RSL24D1: variants seen among roughly 807,000 people sequenced by gnomAD.
RSL24D1 encodes ribosomal L24 domain containing 1, also known as probable ribosome biogenesis protein RLP24.
A neutral mutation model predicts 26.2 loss-of-function variants in RSL24D1; 6 were observed. That is an observed-to-expected ratio of 0.23 (90% CI 0.13 to 0.45). RSL24D1 has a LOEUF of 0.45. Ranked by LOEUF, RSL24D1 falls within the 20% of genes least tolerant of loss-of-function variation. The pLI is 0.99. For missense variants in RSL24D1, 176 were observed against 202.6 expected, an observed-to-expected ratio of 0.87 and a Z score of 0.80; for synonymous variants, 61 against 59.1, an observed-to-expected ratio of 1.03 and a Z score of -0.15.
intron 3 of RSL24D1, among the ~76,000 whole-genome samples, chr15:55,190,683 C>T (rs920919038): frequency 3.3e-5 from 5 of 151,936 alleles, no homozygotes; most frequent in South Asian, 2.1e-4. Flanking sequence ...CAGTATTTTC[C>T]GTCTCTATTT....
intron 2 of RSL24D1, among the ~76,000 whole-genome samples, chr15:55,191,365 T>C (rs911169446): frequency 2.6e-5 from 4 of 151,982 alleles, no homozygotes; most frequent in African/African-American, 9.7e-5. Flanking sequence ...CCAGATAAGA[T>C]TCAAAGCCAG....
chr15:55,192,654 A>G, intron 2 of RSL24D1, 66 bp downstream of exon 2: 1 of 1,104,950 alleles, frequency 9.1e-7, no homozygotes, highest in Middle Eastern at 2.0e-4. Flanking sequence ...ATTAGATGAC[A>G]TATACCCTTC....
chr15:55,189,169 G>T (rs1219517681), intron 3 of RSL24D1, among the ~76,000 whole-genome samples: 1 of 149,172 alleles, frequency 6.7e-6, no homozygotes, highest in Non-Finnish European at 1.5e-5. Flanking sequence ...CTCCAGCCCG[G>T]GTGACAGAGC....
In RSL24D1 at chr15:55,196,894, G is replaced by A. The variant is rs756661965; in HGVS notation, c.-4C>T. On this transcript the variant is annotated 5_prime_UTR_variant, in exon 1 of 6. Coordinates refer to ENST00000260443, the MANE Select transcript of RSL24D1 (RefSeq NM_016304.3). ...AATAACACTTTTCGATACGCATGTT[G>A]AACCCGCGTGTAACCCCACCAAACA... 6.2e-7 allele frequency: 1 copy of A among 1,614,072 alleles called. No individual in the cohort carries two copies.
intron 2 of RSL24D1, among the ~76,000 whole-genome samples, chr15:55,191,604 A>G (rs1472113232): frequency 6.6e-6 from 1 of 152,178 alleles, no homozygotes; most frequent in Non-Finnish European, 1.5e-5. Context: ...CAGGCCCTAC[A>G]TTTCTTCAGA....
chr15:55,184,185 T>C (rs187219944), intron 4 of RSL24D1, among the ~76,000 whole-genome samples: 8 of 152,282 alleles, frequency 5.3e-5, no homozygotes, highest in Admixed American at 1.3e-4. Flanking sequence ...GGTCCTGCTC[T>C]GAAAAAAATA....
chr15:55,192,839 A>G lies in RSL24D1; in HGVS notation c.82-6T>C. The G allele has an allele frequency of 2.5e-6, 4 of 1,587,012 alleles. No individual in the cohort carries two copies. Among genetic ancestry groups the G allele is most frequent in the African/African-American group, 1.3e-5 (1 of 74,372 alleles). On this transcript the variant is annotated splice_polypyrimidine_tract_variant and splice_region_variant and intron_variant, in intron 1 of 5. Transcript: ENST00000260443. ...GATTTGCAAAATCTGAACACCTACA[A>G]GAAAAGTTAAAATATTGAGAAGTCA...
At chr15:55,188,190 G>C (rs1595652115) in intron 3 of RSL24D1, among the ~76,000 whole-genome samples, 1 of 152,144 alleles carries the variant, frequency 6.6e-6, no homozygotes, top group Non-Finnish European at 1.5e-5. Flanking sequence ...GGGGTGTGGA[G>C]AATCAATGAA....
At chr15:55,192,460 T>C in intron 2 of RSL24D1, 1 of 322,194 alleles carries the variant, frequency 3.1e-6, no homozygotes, top group Non-Finnish European at 5.7e-6. Context: ...TCAAAATCTT[T>C]CAGTAGCAAT....
intron 1 of RSL24D1, 80 bp from the exon 2 acceptor site, chr15:55,192,913 A>C: frequency 1.2e-6 from 1 of 848,804 alleles, no homozygotes; most frequent in Non-Finnish European, 2.0e-6. Context: ...TAGACAAAAA[A>C]TACTTTCCCT....
At chr15:55,196,102 T>C (rs929660989) in intron 1 of RSL24D1, among the ~76,000 whole-genome samples, 2 of 152,198 alleles carry the variant, frequency 1.3e-5, no homozygotes, top group Non-Finnish European at 2.9e-5. Context: ...CTTTCACAAC[T>C]AGGACTCATA....
chr15:55,191,158 A>T (rs1175917692), intron 2 of RSL24D1, 111 bp from the exon 3 acceptor site: 15 of 717,820 alleles, frequency 2.1e-5, no homozygotes, highest in Non-Finnish European at 3.1e-5. Context: ...ATACACCTAG[A>T]TTCACCCCTC....
intron 1 of RSL24D1, chr15:55,194,203 A>G (rs1305540934): frequency 1.3e-5 from 2 of 152,194 alleles, no homozygotes; most frequent in African/African-American, 4.8e-5. Context: ...GAGGAGGTGC[A>G]AAGGGGATTC....
At chr15:55,188,109 A>G (rs1418626182) in intron 3 of RSL24D1, among the ~76,000 whole-genome samples, 2 of 152,224 alleles carry the variant, frequency 1.3e-5, no homozygotes, top group Admixed American at 6.5e-5. Context: ...ACACAATTTG[A>G]TAATGTAAGC....
chr15:55,196,211 G>T, intron 1 of RSL24D1: 1 of 409,762 alleles, frequency 2.4e-6, no homozygotes. Context: ...AAATGTATTT[G>T]CTCCGTTCTC....
At chr15:55,188,788 TAAGTAA>T (rs1451919661) in intron 3 of RSL24D1, among the ~76,000 whole-genome samples, 4 of 152,160 alleles carry the variant, frequency 2.6e-5, no homozygotes, top group African/African-American at 9.7e-5. Context: ...AAATACCCGC[TAAGTAA>T]AAGTAGTTAC....
At chr15:55,189,715 C>T (rs1027884168) in intron 3 of RSL24D1, among the ~76,000 whole-genome samples, 2 of 152,092 alleles carry the variant, frequency 1.3e-5, no homozygotes, top group Non-Finnish European at 2.9e-5. Flanking sequence ...AGATTGGATG[C>T]CCCTGGTTCA....
At chr15:55,192,451 C>T in intron 2 of RSL24D1, 2 of 306,016 alleles carry the variant, frequency 6.5e-6, no homozygotes, top group Non-Finnish European at 1.2e-5. Flanking sequence ...AACTTCATCT[C>T]AAAATCTTTC....
At chr15:55,191,189 G>C in intron 2 of RSL24D1, 142 bp from the exon 3 acceptor site, 3 of 598,342 alleles carry the variant, frequency 5.0e-6, no homozygotes, top group Non-Finnish European at 8.4e-6. Context: ...AGAGAATATA[G>C]GTTTTCAAAT....
Sources: allele counts gnomAD v4.1 joint callset (sites outside exome capture counted in the v4.1 genomes callset), GRCh38; gene constraint gnomAD v4.1.1; transcripts MANE v1.5; gene names NCBI Gene and HGNC (gene_info 2026-07-23, HGNC 2026-07-21).